The following SRGAP1 variants were observed in gnomAD, a reference collection of about 807,000 sequenced individuals.
SRGAP1 encodes SLIT-ROBO Rho GTPase activating protein 1.
A neutral mutation model predicts 121.9 loss-of-function variants in SRGAP1; 43 were observed. That is an observed-to-expected ratio of 0.35 (90% CI 0.28 to 0.46). The LOEUF (loss-of-function observed/expected upper bound fraction) is 0.46, where lower values mean the gene tolerates loss of function less well. SRGAP1 is among the 20% of genes least tolerant of loss of function. The probability of loss-of-function intolerance (pLI) is 1.00; values close to 1 mark genes in which losing one functional copy is unlikely to be tolerated. For missense variants in SRGAP1, 1,102 were observed against 1,350.9 expected (o/e 0.82, Z 2.89); for synonymous variants, 447 against 485.4 (o/e 0.92, Z 1.04).
chr12:63,857,088 CT>C (rs59666761), intron 1 of SRGAP1, among the ~76,000 whole-genome samples: 40,742 of 143,456 alleles, frequency 0.28, 6,250 homozygotes, highest in East Asian at 0.55. Flanking sequence ...CAATTTACTG[CT>C]TTTTTTTTTT....
At chr12:63,850,981 T>A (rs1202414792) in intron 1 of SRGAP1, among the ~76,000 whole-genome samples, 1 of 150,102 alleles carries the variant, frequency 6.7e-6, no homozygotes, top group Non-Finnish European at 1.5e-5. Flanking sequence ...CATGGTGAAA[T>A]CTCGTCTCTA....
chr12:64,102,181 G>T (rs150883652), intron 15 of SRGAP1, among the ~76,000 whole-genome samples: 42 of 152,234 alleles, frequency 2.8e-4, no homozygotes, highest in African/African-American at 9.4e-4. Context: ...TATTAGGTTG[G>T]TGCAAAAGTT....
At chr12:64,004,997 C>T (rs543036575) in intron 3 of SRGAP1, among the ~76,000 whole-genome samples, 1 of 152,220 alleles carries the variant, frequency 6.6e-6, no homozygotes, top group African/African-American at 2.4e-5. Flanking sequence ...CTTGTGATAC[C>T]TTGGAATATA....
In SRGAP1 at chr12:64,153,225, G is replaced by A. The variant is rs1037585354; in HGVS notation, c.*10553G>A. ...GGTTAAAGAGTCAAACACATTCACTGTGACTGTACCACCATAAGCAAGAAG... is the reference window on the plus strand; with the variant it reads ...GGTTAAAGAGTCAAACACATTCACTATGACTGTACCACCATAAGCAAGAAG... On this transcript the variant is annotated 3_prime_UTR_variant, in exon 22 of 22. Transcript: ENST00000355086. 6.6e-6 allele frequency: 1 copy of A among 151,964 alleles called. No homozygotes were observed. Among genetic ancestry groups the A allele is most frequent in the Admixed American group, 6.6e-5 (1 of 15,246 alleles). The allele number at this position is 151,964 out of a possible 1,614,324, so 9.4% of individuals were successfully genotyped here.
rs1365671004 is a variant in SRGAP1 at position 64,156,533 on chromosome 12, G to A, written c.*13861G>A. ...ACTCATCTACAGGATGAAAGGGTAT[G>A]AGCACGTTTCTAGGTGCCCTGACCC... On this transcript the variant is annotated 3_prime_UTR_variant, in exon 22 of 22. Coordinates refer to ENST00000355086, the MANE Select transcript of SRGAP1 (RefSeq NM_020762.4). 1 of 152,194 alleles carries A rather than the reference G, an allele frequency of 6.6e-6. No individual in the cohort carries two copies. The highest frequency in any genetic ancestry group is 1.5e-5 in the Non-Finnish European group (1 of 68,028). 9.4% of individuals were successfully genotyped at this position (152,194 alleles called of 1,614,324 possible). A position where few individuals can be genotyped will look rare whatever the true frequency, so the allele number is the denominator to read the frequency against.
intron 10 of SRGAP1, among the ~76,000 whole-genome samples, chr12:64,085,330 T>A (rs2035918286): frequency 1.3e-5 from 2 of 152,226 alleles, no homozygotes; most frequent in African/African-American, 4.8e-5. Context: ...TTTTTATTGT[T>A]GTTACTAATA....
chr12:63,934,953 G>A (rs2031614093), intron 1 of SRGAP1, among the ~76,000 whole-genome samples: 2 of 152,180 alleles, frequency 1.3e-5, no homozygotes, highest in African/African-American at 4.8e-5. Flanking sequence ...ATGGAGAATA[G>A]AAAGGCAAAA....
At chr12:64,061,584 C>A (rs953485910) in intron 6 of SRGAP1, among the ~76,000 whole-genome samples, 31 of 152,146 alleles carry the variant, frequency 2.0e-4, no homozygotes, top group African/African-American at 6.8e-4. Flanking sequence ...CATTATAAAT[C>A]TACAGCTGTC....
chr12:63,975,948 C>T (rs936651899), intron 1 of SRGAP1, among the ~76,000 whole-genome samples: 1 of 152,180 alleles, frequency 6.6e-6, no homozygotes, highest in African/African-American at 2.4e-5. Context: ...AACCATACAA[C>T]TTACAAAGAA....
intron 3 of SRGAP1, among the ~76,000 whole-genome samples, chr12:64,001,690 A>C (rs1161768516): frequency 1.3e-5 from 2 of 152,200 alleles, no homozygotes; most frequent in Admixed American, 1.3e-4. Context: ...AAATGCAAGA[A>C]AGAACACAGC....
chr12:64,100,680 A>G (rs2036239377), intron 15 of SRGAP1, among the ~76,000 whole-genome samples: 1 of 152,190 alleles, frequency 6.6e-6, no homozygotes, highest in African/African-American at 2.4e-5. Context: ...TGTTTCAAAA[A>G]CATACATATT....
intron 2 of SRGAP1, among the ~76,000 whole-genome samples, chr12:63,986,247 G>T (rs1391808675): frequency 6.8e-6 from 1 of 147,586 alleles, no homozygotes; most frequent in African/African-American, 2.5e-5. Context: ...TTTACTGTTG[G>T]TCCAGCATAA....
chr12:64,141,453 G>A (rs1440720011), intron 21 of SRGAP1, among the ~76,000 whole-genome samples: 4 of 151,710 alleles, frequency 2.6e-5, no homozygotes, highest in Admixed American at 1.3e-4. Context: ...GGTGGTGGGC[G>A]CCTGTAATCC....
Position 64,145,819 on chromosome 12 carries a change from A to G in SRGAP1, c.*3147A>G, listed in dbSNP as rs1307447359. 6.6e-6 allele frequency: 1 copy of G among 152,192 alleles called. No homozygotes were observed. Among genetic ancestry groups the G allele is most frequent in the East Asian group, 1.9e-4 (1 of 5,170 alleles). The allele number at this position is 152,192 out of a possible 1,614,324, so 9.4% of individuals were successfully genotyped here. Reference sequence around the variant, plus strand: ...GGAAGACACAGGGAAACGAGAGAAGAAGGATAATGAGGCCTTGAGGTGTTC... The same window carrying G: ...GGAAGACACAGGGAAACGAGAGAAGGAGGATAATGAGGCCTTGAGGTGTTC... On this transcript the variant is annotated 3_prime_UTR_variant, in exon 22 of 22. Coordinates refer to ENST00000355086, the MANE Select transcript of SRGAP1 (RefSeq NM_020762.4).
chr12:63,910,621 G>A (rs534770338), intron 1 of SRGAP1, among the ~76,000 whole-genome samples: 21 of 152,274 alleles, frequency 1.4e-4, no homozygotes, highest in African/African-American at 4.8e-4. Flanking sequence ...AGGGGAAAAT[G>A]CATGGAACCT....
At chr12:63,942,000 A>T (rs2031884603) in intron 1 of SRGAP1, among the ~76,000 whole-genome samples, 1 of 152,158 alleles carries the variant, frequency 6.6e-6, no homozygotes, top group Admixed American at 6.5e-5. Context: ...TTCTGTTTAA[A>T]ACAAGAGGAA....
At chr12:64,029,041 G>A (rs1249184607) in intron 4 of SRGAP1, among the ~76,000 whole-genome samples, 3 of 152,142 alleles carry the variant, frequency 2.0e-5, no homozygotes, top group Admixed American at 2.0e-4. Flanking sequence ...CAGGAACATG[G>A]TATAAGGCAA....
chr12:64,081,927 C>CT (rs1310976274), intron 10 of SRGAP1: 1 of 122,592 alleles, frequency 8.2e-6, no homozygotes, highest in Non-Finnish European at 1.7e-5. Context: ...AAAAAAAAGT[C>CT]TTTTTATCTT....
At chr12:63,895,609 C>T (rs1036987752) in intron 1 of SRGAP1, among the ~76,000 whole-genome samples, 5 of 152,268 alleles carry the variant, frequency 3.3e-5, no homozygotes, top group South Asian at 2.1e-4. Context: ...TCCACATTCA[C>T]GACTTGCCTT....
Sources: gnomAD v4.1 joint callset for allele counts (sites outside exome capture counted in the v4.1 genomes callset) on GRCh38, gnomAD v4.1.1 for gene constraint, MANE v1.5 for transcripts, NCBI Gene and HGNC (gene_info 2026-07-23, HGNC 2026-07-21) for gene names.